RSF1: variants seen among roughly 807,000 people sequenced by gnomAD.
RSF1 encodes HBV pX-associated protein 8.
Under a neutral mutation model 145.2 loss-of-function variants are expected in RSF1, and 13 were observed. The observed-to-expected ratio is 0.09, with a 90% CI of 0.06 to 0.14. The LOEUF (loss-of-function observed/expected upper bound fraction) is 0.14. Ranked by LOEUF, RSF1 falls within the 10% of genes least tolerant of loss-of-function variation. The probability of loss-of-function intolerance (pLI) is 1.00; values close to 1 mark genes in which losing one functional copy is unlikely to be tolerated. For missense variants in RSF1, 1,517 were observed against 1,718.2 expected (o/e 0.88, Z 2.07); for synonymous variants, 577 against 592.6 (o/e 0.97, Z 0.38).
intron 1 of RSF1, among the ~76,000 whole-genome samples, chr11:77,781,018 T>C (rs1386893528): frequency 1.3e-5 from 2 of 152,174 alleles, no homozygotes. Flanking sequence ...GTTTCTGAGA[T>C]ACACATTTTT....
chr11:77,863,144 G>A, the RSF1 span, among the ~76,000 whole-genome samples: 21 of 152,276 alleles, frequency 1.4e-4, no homozygotes, highest in African/African-American at 3.6e-4. Flanking sequence ...CCTATCAGAA[G>A]CCGTGGGTCA....
intron 3 of RSF1, among the ~76,000 whole-genome samples, chr11:77,745,758 T>C (rs958437065): frequency 1.3e-5 from 2 of 151,396 alleles, no homozygotes; most frequent in Non-Finnish European, 2.9e-5. Context: ...TTTTGTATGA[T>C]TAGGGTATAA....
At chr11:77,856,277 C>T in the RSF1 span, among the ~76,000 whole-genome samples, 30 of 152,274 alleles carry the variant, frequency 2.0e-4, no homozygotes, top group East Asian at 4.8e-3. Flanking sequence ...TCCTCATCTC[C>T]GAGACCTTCT....
the RSF1 span, among the ~76,000 whole-genome samples, chr11:77,845,021 C>G: frequency 6.6e-6 from 1 of 152,170 alleles, no homozygotes; most frequent in Non-Finnish European, 1.5e-5. Context: ...TTGCTTCTCT[C>G]TAACTGCTTT....
chr11:77,756,800 A>G (rs1033994938), intron 2 of RSF1, among the ~76,000 whole-genome samples: 3 of 152,224 alleles, frequency 2.0e-5, no homozygotes, highest in Admixed American at 6.5e-5. Flanking sequence ...GAGGACTGAA[A>G]CATTTATGGA....
rs114218677 is a variant in RSF1 at position 77,747,252 on chromosome 11, C to T, written c.280-124G>A. On this transcript the variant is annotated intron_variant, in intron 2 of 15. Coordinates refer to ENST00000308488, the MANE Select transcript of RSF1 (RefSeq NM_016578.4). ...AGGAAAGAGGTTACACTAAACAGTC[C>T]AATCCAACTGCACCCTAAAATGCAT... is the stretch of plus-strand genomic sequence containing the variant. The T allele has an allele frequency of 2.3e-5, 13 of 574,912 alleles. No individual in the cohort carries two copies. In the African/African-American group the frequency reaches 2.5e-4, roughly 11 times the overall value. The allele number at this position is 574,912 out of a possible 1,614,324, so 35.6% of individuals were successfully genotyped here.
chr11:77,689,280 T>G (rs550315208), intron 9 of RSF1, among the ~76,000 whole-genome samples: 3 of 152,204 alleles, frequency 2.0e-5, no homozygotes, highest in Non-Finnish European at 4.4e-5. Flanking sequence ...CATTTTTTTC[T>G]GAAATAAAGA....
At chr11:77,792,761 A>G (rs1393426501) in intron 1 of RSF1, among the ~76,000 whole-genome samples, 1 of 152,008 alleles carries the variant, frequency 6.6e-6, no homozygotes, top group Admixed American at 6.6e-5. Flanking sequence ...ACTGCCAATC[A>G]AGATACTATA....
chr11:77,690,157 A>G (rs12278502), intron 9 of RSF1, among the ~76,000 whole-genome samples: 5 of 130,882 alleles, frequency 3.8e-5, no homozygotes, highest in Non-Finnish European at 1.6e-5. Flanking sequence ...GCGAGACTCC[A>G]TCTCAAAAAA....
intron 3 of RSF1, among the ~76,000 whole-genome samples, chr11:77,745,228 TTTTG>T (rs1269928212): frequency 6.6e-6 from 1 of 152,116 alleles, no homozygotes; most frequent in African/African-American, 2.4e-5. Context: ...CAACTCTTAG[TTTTG>T]TTTATCTTTT....
the RSF1 span, among the ~76,000 whole-genome samples, chr11:77,867,838 T>C: frequency 1.3e-5 from 2 of 152,172 alleles, no homozygotes; most frequent in Admixed American, 6.5e-5. Context: ...TTCAGAGTGA[T>C]TGGTAGGTTT....
chr11:77,757,749 C>T (rs1349613655), intron 2 of RSF1, among the ~76,000 whole-genome samples: 1 of 152,024 alleles, frequency 6.6e-6, no homozygotes, highest in Non-Finnish European at 1.5e-5. Flanking sequence ...AGCACAGATT[C>T]TAATGTCAAG....
chr11:77,662,437 T>C lies in RSF1; in HGVS notation c.*4480A>G, dbSNP rs1959252296. 1 of 152,100 alleles carries C rather than the reference T, an allele frequency of 6.6e-6. No individual in the cohort carries two copies. Among genetic ancestry groups the C allele is most frequent in the Admixed American group, 6.6e-5 (1 of 15,248 alleles). 9.4% of individuals were successfully genotyped at this position (152,100 alleles called of 1,614,324 possible). On this transcript the variant is annotated 3_prime_UTR_variant, in exon 16 of 16. Coordinates refer to ENST00000308488, the MANE Select transcript of RSF1 (RefSeq NM_016578.4). ...GTGGTGAGTGTATACTCTAAAGTGG[T>C]TATATACTAAGCTCATTACATTTTG...
At chr11:77,741,165 C>A (rs1947931765) in intron 3 of RSF1, among the ~76,000 whole-genome samples, 1 of 152,158 alleles carries the variant, frequency 6.6e-6, no homozygotes, top group South Asian at 2.1e-4. Context: ...TTTAACACAA[C>A]CACTGACACA....
chr11:77,750,087 G>A (rs891321738), intron 2 of RSF1, among the ~76,000 whole-genome samples: 1 of 151,328 alleles, frequency 6.6e-6, no homozygotes, highest in Non-Finnish European at 1.5e-5. Context: ...ATACTGCTGT[G>A]CCATTTGATG....
chr11:77,716,834 G>C (rs1042640133), intron 5 of RSF1, among the ~76,000 whole-genome samples: 1 of 152,160 alleles, frequency 6.6e-6, no homozygotes, highest in Non-Finnish European at 1.5e-5. Context: ...TATGGAATTA[G>C]TTTTAGACAT....
intron 2 of RSF1, among the ~76,000 whole-genome samples, chr11:77,760,059 A>T (rs767439113): frequency 6.6e-6 from 1 of 152,202 alleles, no homozygotes; most frequent in Non-Finnish European, 1.5e-5. Flanking sequence ...CATATGACCT[A>T]ACAATTCTAC....
chr11:77,829,323 G>A, the RSF1 span, among the ~76,000 whole-genome samples: 1 of 152,150 alleles, frequency 6.6e-6, no homozygotes, highest in Non-Finnish European at 1.5e-5. Flanking sequence ...GGATATGCCA[G>A]CTCCAGAACT....
chr11:77,668,192 G>A (rs1258710514), intron 15 of RSF1, among the ~76,000 whole-genome samples: 1 of 152,014 alleles, frequency 6.6e-6, no homozygotes, highest in African/African-American at 2.4e-5. Flanking sequence ...AGTAGAGACG[G>A]GGTTTCACCA....
Sources: allele counts gnomAD v4.1 joint callset (sites outside exome capture counted in the v4.1 genomes callset), GRCh38; gene constraint gnomAD v4.1.1; transcripts MANE v1.5; gene names NCBI Gene and HGNC (gene_info 2026-07-23, HGNC 2026-07-21).